NEK11: variants seen among roughly 807,000 people sequenced by gnomAD.
The protein encoded by NEK11 is NIMA related kinase 11.
In NEK11, 72 loss-of-function variants were observed where a neutral mutation model predicts 80.7. The ratio of observed to expected loss-of-function variants is 0.89; its 90% confidence interval spans 0.74 to 1.08. The LOEUF (loss-of-function observed/expected upper bound fraction) is 1.08. Among genes scored for constraint, NEK11 ranks in the 50% least tolerant of loss-of-function variants. NEK11 has a pLI of 0.00. For synonymous variants in NEK11, 251 were observed against 260.7 expected (o/e 0.96, Z 0.36); for missense variants, 764 against 763.6 (o/e 1.00, Z -0.01).
At position 131,126,228 on chromosome 3, in the gene NEK11, A is replaced by G. The variant is rs558209081; in HGVS notation, c.456-6517A>G. On this transcript the variant is annotated intron_variant, in intron 5 of 17. Coordinates refer to ENST00000383366, the MANE Select transcript of NEK11 (RefSeq NM_024800.5). The stretch of plus-strand genomic sequence containing the variant: ...TTAGTGCTACCATTATTATTGGTTT[A>G]CAAGCCAAAACTAGTTTAGATTTCC... Among the ~76,000 whole-genome samples, 3 of 152,274 alleles carry G rather than the reference A, an allele frequency of 2.0e-5. No homozygotes were observed. The South Asian group carries it at 6.2e-4, about 32-fold the overall frequency.
chr3:131,063,830 A>G (rs893597862), intron 3 of NEK11, among the ~76,000 whole-genome samples: 2 of 152,212 alleles, frequency 1.3e-5, no homozygotes, highest in African/African-American at 4.8e-5. Flanking sequence ...TCCTAGGTAC[A>G]TACCCAAAAG....
chr3:131,108,913 C>T (rs1221131243), intron 4 of NEK11, among the ~76,000 whole-genome samples: 1 of 152,030 alleles, frequency 6.6e-6, no homozygotes, highest in Non-Finnish European at 1.5e-5. Context: ...GCTATATGCA[C>T]AATATAAGTG....
chr3:131,219,417 C>T (rs113270238), intron 14 of NEK11, among the ~76,000 whole-genome samples: 5,225 of 151,944 alleles, frequency 0.034, 127 homozygotes, highest in East Asian at 0.084. Context: ...AGGGGAGGGA[C>T]AGCATTAGGA....
intron 14 of NEK11, among the ~76,000 whole-genome samples, chr3:131,201,548 C>T (rs2094227417): frequency 6.6e-6 from 1 of 151,982 alleles, no homozygotes; most frequent in African/African-American, 2.4e-5. Flanking sequence ...CTCCTTTTAC[C>T]CAGCATTTTC....
At chr3:131,080,647 CT>C (rs2075116298) in intron 4 of NEK11, 59 bp downstream of exon 4, 2 of 1,462,708 alleles carry the variant, frequency 1.4e-6, no homozygotes, top group South Asian at 1.3e-5. Context: ...GGTAAAAAGC[CT>C]TCTGTAAAGA....
At chr3:131,287,077 C>T (rs537565082) in intron 17 of NEK11, among the ~76,000 whole-genome samples, 3 of 152,266 alleles carry the variant, frequency 2.0e-5, no homozygotes, top group Admixed American at 6.5e-5. Flanking sequence ...CAGTTTTTTT[C>T]TGTCCATCTG....
chr3:131,215,196 T>C (rs1398616775), intron 14 of NEK11, among the ~76,000 whole-genome samples: 2 of 148,374 alleles, frequency 1.3e-5, no homozygotes, highest in Admixed American at 1.4e-4. Flanking sequence ...CACCGCATGT[T>C]CTCACTCATA....
At chr3:131,084,152 T>C (rs900102493) in intron 4 of NEK11, among the ~76,000 whole-genome samples, 1 of 152,074 alleles carries the variant, frequency 6.6e-6, no homozygotes, top group Admixed American at 6.6e-5. Context: ...CCAATCCCAA[T>C]CCCCTCAACT....
intron 17 of NEK11, among the ~76,000 whole-genome samples, chr3:131,312,138 G>A (rs2096788273): frequency 6.6e-6 from 1 of 152,226 alleles, no homozygotes; most frequent in Non-Finnish European, 1.5e-5. Flanking sequence ...ATGAGGATGT[G>A]TCATTGCCCT....
intron 14 of NEK11, among the ~76,000 whole-genome samples, chr3:131,219,640 C>A (rs985192510): frequency 6.6e-6 from 1 of 152,010 alleles, no homozygotes; most frequent in African/African-American, 2.4e-5. Flanking sequence ...GAAGAAGCAG[C>A]AAGAGGGAAG....
intron 14 of NEK11, among the ~76,000 whole-genome samples, chr3:131,201,115 T>A (rs546666289): frequency 1.3e-5 from 2 of 151,596 alleles, no homozygotes; most frequent in East Asian, 3.9e-4. Flanking sequence ...TATGAAAGAT[T>A]CCCTAAGATA....
intron 17 of NEK11, among the ~76,000 whole-genome samples, chr3:131,306,185 C>T (rs183455614): frequency 9.4e-4 from 143 of 152,168 alleles, no homozygotes; most frequent in African/African-American, 2.8e-3. Context: ...TTTAAATTCC[C>T]AGTCTGATAA....
At chr3:131,250,530 G>T (rs1230299040) in intron 16 of NEK11, among the ~76,000 whole-genome samples, 1 of 152,040 alleles carries the variant, frequency 6.6e-6, no homozygotes. Flanking sequence ...AGTTCCTAGA[G>T]GATATGCGTC....
chr3:131,288,025 G>A (rs2096494506), intron 17 of NEK11, among the ~76,000 whole-genome samples: 1 of 152,134 alleles, frequency 6.6e-6, no homozygotes, highest in Non-Finnish European at 1.5e-5. Context: ...AGGTTTGCTG[G>A]AAAGATGTGA....
intron 7 of NEK11, among the ~76,000 whole-genome samples, chr3:131,145,510 G>A (rs2087988627): frequency 6.6e-6 from 1 of 152,018 alleles, no homozygotes; most frequent in Admixed American, 6.6e-5. Flanking sequence ...GTGGTGTGAC[G>A]CCCTGCATAG....
chr3:131,081,728 G>A (rs1434331350), intron 4 of NEK11, among the ~76,000 whole-genome samples: 1 of 152,160 alleles, frequency 6.6e-6, no homozygotes, highest in Non-Finnish European at 1.5e-5. Flanking sequence ...GAGCCCAAAA[G>A]ACATGAGGGA....
intron 14 of NEK11, among the ~76,000 whole-genome samples, chr3:131,225,145 G>A (rs774833161): frequency 6.6e-6 from 1 of 152,110 alleles, no homozygotes; most frequent in African/African-American, 2.4e-5. Context: ...TAACAGCCCT[G>A]TACAGATGTG....
chr3:131,212,988 A>G (rs1438286942), intron 14 of NEK11, among the ~76,000 whole-genome samples: 1 of 152,220 alleles, frequency 6.6e-6, no homozygotes, highest in Non-Finnish European at 1.5e-5. Flanking sequence ...GAAAGCTTTA[A>G]GAGAAGAAGA....
At chr3:131,255,031 A>AG in intron 16 of NEK11, among the ~76,000 whole-genome samples, 1 of 137,368 alleles carries the variant, frequency 7.3e-6, no homozygotes, top group Non-Finnish European at 1.6e-5. Context: ...AGAAAGAAAG[A>AG]AAGAGAGAGA....
Sources: allele counts gnomAD v4.1 joint callset (sites outside exome capture counted in the v4.1 genomes callset), GRCh38; gene constraint gnomAD v4.1.1; transcripts MANE v1.5; gene names NCBI Gene and HGNC (gene_info 2026-07-23, HGNC 2026-07-21).